The following VAT1L variants were observed in gnomAD, a reference collection of about 807,000 sequenced individuals.
The protein encoded by VAT1L is putative NADPH-dependent quinone oxidoreductase VAT1L.
VAT1L carries 34 observed loss-of-function variants against 44.1 expected under a neutral mutation model. That is an observed-to-expected ratio of 0.77 (90% CI 0.59 to 1.03). The LOEUF is 1.03. Ranked by LOEUF, VAT1L falls within the 50% of genes least tolerant of loss-of-function variation. VAT1L has a pLI of 0.00. For missense variants in VAT1L, 615 were observed against 538.8 expected (o/e 1.14, Z -1.40); for synonymous variants, 253 against 202.2 (o/e 1.25, Z -2.13).
chr16:77,952,869 A>AAAAAAAAG (rs2018060660), intron 7 of VAT1L, among the ~76,000 whole-genome samples: 1 of 151,342 alleles, frequency 6.6e-6, no homozygotes, highest in East Asian at 1.9e-4. Context: ...AAAAAAAAAA[A>AAAAAAAAG]AAAAAAGCTG....
chr16:77,842,954 G>T (rs1597062442), intron 3 of VAT1L, among the ~76,000 whole-genome samples: 1 of 152,210 alleles, frequency 6.6e-6, no homozygotes, highest in East Asian at 1.9e-4. Flanking sequence ...TTTTATTTCT[G>T]CTCACAACTC....
intron 7 of VAT1L, among the ~76,000 whole-genome samples, chr16:77,891,735 C>G (rs1038303885): frequency 1.3e-5 from 2 of 152,194 alleles, no homozygotes; most frequent in Non-Finnish European, 2.9e-5. Flanking sequence ...TGATGCTGAG[C>G]TTGACAGGGA....
chr16:77,944,800 A>C (rs1193847005), intron 7 of VAT1L, among the ~76,000 whole-genome samples: 2 of 152,110 alleles, frequency 1.3e-5, no homozygotes, highest in Non-Finnish European at 2.9e-5. Flanking sequence ...GCTGAGAGGC[A>C]CATGTACCTG....
intron 7 of VAT1L, among the ~76,000 whole-genome samples, chr16:77,912,027 A>T (rs1043177468): frequency 2.0e-5 from 3 of 152,196 alleles, no homozygotes; most frequent in Non-Finnish European, 2.9e-5. Flanking sequence ...ACCCCACAAT[A>T]TAAGGGGTGG....
intron 7 of VAT1L, among the ~76,000 whole-genome samples, chr16:77,936,803 T>C (rs2142507489): frequency 6.6e-6 from 1 of 152,226 alleles, no homozygotes; most frequent in Non-Finnish European, 1.5e-5. Flanking sequence ...GAGCAAGGGT[T>C]AGGGAGCAAA....
intron 8 of VAT1L, among the ~76,000 whole-genome samples, chr16:77,972,945 C>G (rs1053619109): frequency 2.0e-5 from 3 of 151,950 alleles, no homozygotes; most frequent in African/African-American, 7.2e-5. Flanking sequence ...CTCGGCCTCC[C>G]AGAGTGCTGG....
At chr16:77,964,931 C>A (rs2018207022) in intron 7 of VAT1L, among the ~76,000 whole-genome samples, 2 of 151,870 alleles carry the variant, frequency 1.3e-5, no homozygotes, top group South Asian at 4.2e-4. Context: ...GCTGGGATTA[C>A]AGGCATGCAC....
At chr16:77,908,195 C>T (rs1206891620) in intron 7 of VAT1L, among the ~76,000 whole-genome samples, 1 of 150,656 alleles carries the variant, frequency 6.6e-6, no homozygotes, top group Admixed American at 6.6e-5. Context: ...GCCGAGATGG[C>T]ACCACTGCAC....
At position 77,973,765 on chromosome 16, in the gene VAT1L, G is replaced by A. The variant is rs144659365; in HGVS notation, c.1161+1832G>A. On this transcript the variant is annotated intron_variant, in intron 8 of 8. Coordinates refer to ENST00000302536, the MANE Select transcript of VAT1L (RefSeq NM_020927.3). ...GTTTGAGATGGGGTCTCGCTCTGTC[G>A]CCCAGGCTGGAGTGCAGTGGTGCGA... 2.6e-3 allele frequency among the ~76,000 whole-genome samples: 393 copies of A among 150,268 alleles called. 4 individuals are homozygous for A. The highest frequency in any genetic ancestry group is 9.1e-3 in the African/African-American group (372 of 40,832).
chr16:77,957,419 A>C (rs1462223340), intron 7 of VAT1L, among the ~76,000 whole-genome samples: 1 of 152,044 alleles, frequency 6.6e-6, no homozygotes, highest in Non-Finnish European at 1.5e-5. Flanking sequence ...ATTCAAAGCC[A>C]AAAAAAAGTT....
chr16:77,926,538 T>C (rs1223926418), intron 7 of VAT1L, among the ~76,000 whole-genome samples: 1 of 151,968 alleles, frequency 6.6e-6, no homozygotes, highest in Non-Finnish European at 1.5e-5. Flanking sequence ...GAGCTGAGAC[T>C]GCACCATGCA....
At chr16:77,944,556 A>C (rs546999064) in intron 7 of VAT1L, among the ~76,000 whole-genome samples, 1 of 152,308 alleles carries the variant, frequency 6.6e-6, no homozygotes, top group South Asian at 2.1e-4. Context: ...TTCAACTGTA[A>C]AAACAGAAAT....
At chr16:77,812,642 G>C (rs934108617) in intron 1 of VAT1L, among the ~76,000 whole-genome samples, 12 of 152,158 alleles carry the variant, frequency 7.9e-5, no homozygotes, top group African/African-American at 2.7e-4. Flanking sequence ...GTGTATGAAA[G>C]CACATGGTAA....
intron 7 of VAT1L, among the ~76,000 whole-genome samples, chr16:77,956,078 A>T (rs1005950281): frequency 2.6e-5 from 4 of 152,148 alleles, no homozygotes; most frequent in Non-Finnish European, 4.4e-5. Flanking sequence ...AAAAGAGTAT[A>T]ATTGGATTGT....
intron 6 of VAT1L, chr16:77,882,471 T>A (rs779668593): frequency 1.6e-4 from 25 of 152,254 alleles, no homozygotes; most frequent in Non-Finnish European, 3.4e-4. Context: ...TGTATGTTTA[T>A]AGAGCACCTC....
intron 7 of VAT1L, among the ~76,000 whole-genome samples, chr16:77,961,438 G>T (rs1406948709): frequency 6.6e-6 from 1 of 152,200 alleles, no homozygotes; most frequent in South Asian, 2.1e-4. Flanking sequence ...AGATCCCTGG[G>T]CCTGTTCCAA....
chr16:77,966,320 G>C (rs1424878221), intron 7 of VAT1L, among the ~76,000 whole-genome samples: 1 of 152,178 alleles, frequency 6.6e-6, no homozygotes, highest in Admixed American at 6.5e-5. Flanking sequence ...GTGTGAAGGG[G>C]TAAGTGCTTG....
intron 7 of VAT1L, among the ~76,000 whole-genome samples, chr16:77,947,232 CTT>C (rs2017980454): frequency 6.6e-6 from 1 of 152,150 alleles, no homozygotes; most frequent in Non-Finnish European, 1.5e-5. Context: ...AGACCATCTG[CTT>C]CTAGTGCTAA....
At chr16:77,934,463 AC>A (rs1281930233) in intron 7 of VAT1L, among the ~76,000 whole-genome samples, 2 of 152,018 alleles carry the variant, frequency 1.3e-5, no homozygotes, top group African/African-American at 4.8e-5. Flanking sequence ...AAACAAACAA[AC>A]AAAAAAAAAT....
Sources: allele counts gnomAD v4.1 joint callset (sites outside exome capture counted in the v4.1 genomes callset), GRCh38; gene constraint gnomAD v4.1.1; transcripts MANE v1.5; gene names NCBI Gene and HGNC (gene_info 2026-07-23, HGNC 2026-07-21).